Variants in MAFG observed in about 807,000 individuals in gnomAD.
MAFG encodes transcription factor MafG.
Under a neutral mutation model 12.2 loss-of-function variants are expected in MAFG, and 3 were observed. The ratio of observed to expected loss-of-function variants is 0.25; its 90% CI spans 0.11 to 0.64. The LOEUF (loss-of-function observed/expected upper bound fraction) is 0.64, where lower values mean the gene tolerates loss of function less well. Ranked by LOEUF, MAFG falls within the 30% of genes least tolerant of loss-of-function variation. MAFG has a pLI of 0.85. For synonymous variants in MAFG, 126 were observed against 109.1 expected, an observed-to-expected ratio of 1.15 and a Z score of -0.96; for missense variants, 153 against 235.5, an observed-to-expected ratio of 0.65 and a Z score of 2.29.
In MAFG at chr17:81,918,405, A is replaced by C; in HGVS notation, c.*4200T>G. ...CTCCTGGACAATAATTTAGCAATAA[A>C]TACTGCGCAGGGCAGGGGTAGGGCA... On this transcript the variant is annotated 3_prime_UTR_variant, in exon 3 of 3. Transcript: ENST00000357736. 3 of 260,182 alleles carry C rather than the reference A, an allele frequency of 1.2e-5. No individual in the cohort carries two copies. Among genetic ancestry groups the C allele is most frequent in the Non-Finnish European group, 1.5e-5 (2 of 135,844 alleles). The allele number at this position is 260,182 out of a possible 1,614,324, so 16.1% of individuals were successfully genotyped here.
rs2040893894 is a variant in MAFG at position 81,921,854 on chromosome 17, T to C, written c.*751A>G. ...ACTTTTAAACATATAATTAATTTAA[T>C]AACTTTGTAAAAGGAACTTCTCTCT... On this transcript the variant is annotated 3_prime_UTR_variant, in exon 3 of 3. Coordinates refer to ENST00000357736, the MANE Select transcript of MAFG (RefSeq NM_002359.4). The C allele has an allele frequency of 6.6e-6, 1 of 152,192 alleles. No individual in the cohort carries two copies. Among genetic ancestry groups the C allele is most frequent in the Non-Finnish European group, 1.5e-5 (1 of 68,038 alleles). 9.4% of individuals were successfully genotyped at this position (152,192 alleles called of 1,614,324 possible).
intron 1 of MAFG, 90 bp from the exon 2 acceptor site, chr17:81,923,304 G>T: frequency 2.5e-6 from 2 of 795,970 alleles, no homozygotes; most frequent in Non-Finnish European, 3.6e-6. Flanking sequence ...AAGAGCCCTT[G>T]CCGCACAGCC....
In MAFG at chr17:81,923,190, C is replaced by T. The variant is rs748640707; in HGVS notation, c.-5G>A. 3.1e-6 allele frequency: 5 copies of T among 1,594,832 alleles called. No individual in the cohort carries two copies. The highest frequency in any genetic ancestry group is 2.3e-5 in the East Asian group (1 of 44,094). Reference sequence around the variant, plus strand: ...TCCTTTATTGGGGGTCGTCATAACCCGGGGGCACAGCGAGCAGGCGCTCTC... The same window carrying T: ...TCCTTTATTGGGGGTCGTCATAACCTGGGGGCACAGCGAGCAGGCGCTCTC... On this transcript the variant is annotated 5_prime_UTR_variant, in exon 2 of 3. Transcript: ENST00000357736.
At chr17:81,925,964 G>A (rs569949272) in intron 1 of MAFG, among the ~76,000 whole-genome samples, 1 of 146,818 alleles carries the variant, frequency 6.8e-6, no homozygotes. Flanking sequence ...TGTTCTGTGT[G>A]TATGTGTGGG....
Position 81,922,478 on chromosome 17 carries a change from G to A in MAFG, c.*127C>T. On this transcript the variant is annotated 3_prime_UTR_variant, in exon 3 of 3. Transcript: ENST00000357736. ...GCCCCTGGGGTACAGGTTGTGCTTT[G>A]CAGGGAAGAGAGAAGGGTGGGGAAG... 1 of 745,748 alleles carries A rather than the reference G, an allele frequency of 1.3e-6. No homozygotes were observed. The highest frequency in any genetic ancestry group is 2.0e-6 in the Non-Finnish European group (1 of 497,078). 46.2% of individuals were successfully genotyped at this position (745,748 alleles called of 1,614,324 possible). A position where few individuals can be genotyped will look rare whatever the true frequency, so the allele number is the denominator to read the frequency against.
Position 81,926,134 on chromosome 17 carries a change from C to T in MAFG, c.-30+1394G>A, listed in dbSNP as rs1305694630. On this transcript the variant is annotated intron_variant, in intron 1 of 2. Transcript: ENST00000357736. The surrounding 1 kb of genome is among the most constrained non-coding windows in gnomAD (Gnocchi z 4.6). ...GTCAACCTTCGTGAATCTCCACATA[C>T]CCAAGGAAAGGTGGCTCTGGCCACA... 6.6e-6 allele frequency among the ~76,000 whole-genome samples: 1 copy of T among 152,104 alleles called. No homozygotes were observed. The highest frequency in any genetic ancestry group is 1.9e-4 in the East Asian group (1 of 5,178).
intron 1 of MAFG, 61 bp from the exon 2 acceptor site, chr17:81,923,275 C>CCA: frequency 4.1e-6 from 4 of 966,536 alleles, no homozygotes; most frequent in African/African-American, 2.0e-5. Flanking sequence ...CCCCCCCCCC[C>CCA]GCCCCCGGCC....
At chr17:81,928,993 C>T (rs902568241), upstream of MAFG, among the ~76,000 whole-genome samples, 1 of 152,132 alleles carries the variant, frequency 6.6e-6, no homozygotes, top group Admixed American at 6.5e-5. The surrounding 1 kb of genome is among the most constrained non-coding windows in gnomAD (Gnocchi z 8.1). Context: ...CCTCAGGACC[C>T]GCCCTCCGTG....
Position 81,923,044 on chromosome 17 carries a change from G to A in MAFG, c.50C>T (p.Pro17Leu), listed in dbSNP as rs765067425. The change falls in exon 3 of 3, where the codon CCG (proline) becomes CTG (leucine). Residue 17 changes from proline (P) to leucine (L), a missense_variant. By Grantham distance (98) the Pro-to-Leu change is moderately conservative (BLOSUM62 -3). Coordinates refer to ENST00000357736, the MANE Select transcript of MAFG (RefSeq NM_002359.4). ...GNKALKVKRE[P>L]GENGTSLTDE... ...CGTCAGGCTGGTGCCATTCTCACCC[G>A]GCTCCCGCTTCACCTGGGGCACAGT... The A allele has an allele frequency of 8.8e-6, 14 of 1,599,940 alleles. No homozygotes were observed. Among genetic ancestry groups the A allele is most frequent in the East Asian group, 2.3e-5 (1 of 44,322 alleles).
Position 81,920,003 on chromosome 17 carries a change from G to A in MAFG, c.*2602C>T, listed in dbSNP as rs1230686804. The stretch of plus-strand genomic sequence containing the variant: ...CACTCCCTTCGCCTCCAGGTCTGCA[G>A]CCTGGCAGAGGTGCTCAAAATGGAT... On this transcript the variant is annotated 3_prime_UTR_variant, in exon 3 of 3. Coordinates refer to ENST00000357736, the MANE Select transcript of MAFG (RefSeq NM_002359.4). The A allele has an allele frequency of 6.6e-6, 1 of 152,268 alleles. No individual in the cohort carries two copies. Among genetic ancestry groups the A allele is most frequent in the Non-Finnish European group, 1.5e-5 (1 of 68,064 alleles). 9.4% of individuals were successfully genotyped at this position (152,268 alleles called of 1,614,324 possible).
chr17:81,923,477 A>G lies in MAFG; in HGVS notation c.-29-263T>C, dbSNP rs1287275521. The G allele has an allele frequency of 3.4e-5, 13 of 380,342 alleles. No homozygotes were observed. The East Asian group carries it at 5.8e-4, about 17-fold the overall frequency. 23.6% of individuals were successfully genotyped at this position (380,342 alleles called of 1,614,324 possible). On this transcript the variant is annotated intron_variant, in intron 1 of 2. Transcript: ENST00000357736. ...GGGAGAAGGGGAACTGAAGGCTGTT[A>G]GGAAGGCAGGCGCAAGACAAGGGGC...
intron 1 of MAFG, chr17:81,923,603 C>G (rs1233068927): frequency 6.1e-6 from 1 of 164,470 alleles, no homozygotes; most frequent in African/African-American, 2.4e-5. Flanking sequence ...GCGGCTGTTC[C>G]TGGCGAGTCA....
rs1207973007 is a variant in MAFG at position 81,921,784 on chromosome 17, T to C, written c.*821A>G. 1.3e-5 allele frequency: 2 copies of C among 152,160 alleles called. No individual in the cohort carries two copies. The highest frequency in any genetic ancestry group is 6.5e-5 in the Admixed American group (1 of 15,280). 9.4% of individuals were successfully genotyped at this position (152,160 alleles called of 1,614,324 possible). A position where few individuals can be genotyped will look rare whatever the true frequency, so the allele number is the denominator to read the frequency against. On this transcript the variant is annotated 3_prime_UTR_variant, in exon 3 of 3. Transcript: ENST00000357736. ...AAATGGTCTTCTTGCTTGTTTTTTT[T>C]CTAAAAGACAGTTTTATAAATACTC... is the stretch of plus-strand genomic sequence containing the variant.
At chr17:81,923,237 G>GTACCCTGGAGAC (rs2040910703) in intron 1 of MAFG, 23 bp from the exon 2 acceptor site, 1 of 1,115,842 alleles carries the variant, frequency 9.0e-7, no homozygotes, top group Admixed American at 3.0e-5. Context: ...GAGCAGGTCA[G>GTACCCTGGAGAC]TACCCTGGAG....
At chr17:81,927,212 T>C (rs1442257062) in intron 1 of MAFG, among the ~76,000 whole-genome samples, 1 of 150,636 alleles carries the variant, frequency 6.6e-6, no homozygotes, top group African/African-American at 2.4e-5. Flanking sequence ...CGCCGTCCAG[T>C]GCCCCTCCCT....
At chr17:81,925,195 C>T (rs1440609565) in intron 1 of MAFG, among the ~76,000 whole-genome samples, 1 of 149,602 alleles carries the variant, frequency 6.7e-6, no homozygotes. Context: ...GCCTGTCATG[C>T]ACCCTCTGCT....
In MAFG at chr17:81,918,293, A is replaced by G. The variant is rs2040849646; in HGVS notation, c.*4312T>C. On this transcript the variant is annotated 3_prime_UTR_variant, in exon 3 of 3. Coordinates refer to ENST00000357736, the MANE Select transcript of MAFG (RefSeq NM_002359.4). ...AGTCTCTTTAAAAGGTTTATTGATC[A>G]TATACAAAATAAAGAAAACCTTATA... 5 of 554,690 alleles carry G rather than the reference A, an allele frequency of 9.0e-6. No individual in the cohort carries two copies. Among genetic ancestry groups the G allele is most frequent in the Non-Finnish European group, 1.5e-5 (5 of 343,592 alleles). The allele number at this position is 554,690 out of a possible 1,614,324, so 34.4% of individuals were successfully genotyped here. A position where few individuals can be genotyped will look rare whatever the true frequency, so the allele number is the denominator to read the frequency against.
chr17:81,931,091 G>A (rs1184008116), upstream of MAFG, among the ~76,000 whole-genome samples: 1 of 152,136 alleles, frequency 6.6e-6, no homozygotes, highest in African/African-American at 2.4e-5. Flanking sequence ...AGCCTCCTGT[G>A]GACTCTGGCT....
At chr17:81,931,072 C>T (rs970679653), upstream of MAFG, among the ~76,000 whole-genome samples, 1 of 152,220 alleles carries the variant, frequency 6.6e-6, no homozygotes, top group Non-Finnish European at 1.5e-5. Flanking sequence ...ACTTCTCACG[C>T]ACGTCAGGAG....
Sources: allele counts gnomAD v4.1 joint callset (sites outside exome capture counted in the v4.1 genomes callset), GRCh38; gene constraint gnomAD v4.1.1; non-coding constraint Gnocchi (gnomAD v3.1); transcripts MANE v1.5; gene names NCBI Gene and HGNC (gene_info 2026-07-23, HGNC 2026-07-21).